ZNF318: variants seen among roughly 807,000 people sequenced by gnomAD.
The protein encoded by ZNF318 is endocrine regulator.
ZNF318 carries 51 observed loss-of-function variants against 124.2 expected under a neutral mutation model. The observed-to-expected ratio is 0.41, with a 90% CI of 0.33 to 0.52. The LOEUF is 0.52. ZNF318 is among the 20% of genes least tolerant of loss of function. The pLI is 0.23. For synonymous variants in ZNF318, 1,090 were observed against 1,040.7 expected, an observed-to-expected ratio of 1.05 and a Z score of -0.91; for missense variants, 2,815 against 2,811.2, an observed-to-expected ratio of 1.00 and a Z score of -0.03.
At position 43,338,281 on chromosome 6, in the gene ZNF318, C is replaced by A. The variant is rs1311917339; in HGVS notation, c.5717G>T (p.Gly1906Val). 5.0e-6 allele frequency: 8 copies of A among 1,614,060 alleles called. No individual in the cohort carries two copies. The East Asian group carries it at 1.6e-4, about 31-fold the overall frequency. ...SPARSAMCLT[G>V]SPQEQGVSVV... ...TGAAACTCCTTGCTCTTGTGGACTA[C>A]CTGTTAAACACATAGCTGATCTGGC... Residue 1906 changes from glycine (G) to valine (V), a missense_variant, in exon 10 of 10, where the codon GGT becomes GTT. This residue lies in a region of ZNF318 where 927 missense variants were observed against 820.6 expected (regional missense o/e 1.13). Coordinates refer to ENST00000361428, the MANE Select transcript of ZNF318 (RefSeq NM_014345.3).
intron 2 of ZNF318, among the ~76,000 whole-genome samples, chr6:43,361,402 A>G (rs563712454): frequency 2.2e-4 from 34 of 152,278 alleles, no homozygotes; most frequent in African/African-American, 7.5e-4. Context: ...CAATTTCTAA[A>G]AATTTATTTT....
intron 1 of ZNF318, 82 bp from the exon 2 acceptor site, chr6:43,365,522 GT>G: frequency 6.9e-7 from 1 of 1,457,368 alleles, no homozygotes; most frequent in East Asian, 2.4e-5. Context: ...TAGTTACAAA[GT>G]TAGCCAGGCA....
rs1426557397 is a variant in ZNF318, at chr6:43,356,246, TGA to T, written c.1189-103_1189-102del. 5.5e-6 allele frequency: 7 copies of T among 1,276,060 alleles called. No individual in the cohort carries two copies. The East Asian group carries it at 1.7e-4, about 30-fold the overall frequency. The allele number at this position is 1,276,060 out of a possible 1,614,324, so 79.0% of individuals were successfully genotyped here. A position where few individuals can be genotyped will look rare whatever the true frequency, so the allele number is the denominator to read the frequency against. On this transcript the variant is annotated intron_variant, in intron 3 of 9. Coordinates refer to ENST00000361428, the MANE Select transcript of ZNF318 (RefSeq NM_014345.3). ...ACTTTGGTCTTCCTGAATTAACAGG[TGA>T]GATACAAGTATGGATAAAAGGGAGG...
At position 43,352,394 on chromosome 6, in the gene ZNF318, C is replaced by T. The variant is rs779662674; in HGVS notation, c.2753G>A (p.Arg918Gln). The T allele has an allele frequency of 2.4e-5, 38 of 1,613,822 alleles. 1 individual carries two copies. The highest frequency in any genetic ancestry group is 8.8e-5 in the South Asian group (8 of 91,056). ...GCTGATACCTTGTTGTTTATGAAGC[C>T]GCTCTAACTCGGTCCTAAGATAGTA... ...KMYYLRTELE[R>Q]LHKQQGEMLR... Residue 918 changes from arginine (R) to glutamine (Q), a missense_variant, in exon 5 of 10, where the codon CGG becomes CAG. Transcript: ENST00000361428.
In ZNF318 at chr6:43,354,779, A is replaced by G. The variant is rs1266737302; in HGVS notation, c.2555T>C (p.Leu852Pro). ...TTGGGCCGCAGGAATTGAGCCTCGC[A>G]GAGACTCTTTCTGCTTAGGCTTATC... is the stretch of plus-strand genomic sequence containing the variant. ...TPDKPKQKES[L>P]RGSIPAAQVP... The change falls in exon 4 of 10, where the codon CTG (leucine) becomes CCG (proline). Residue 852 changes from leucine to proline, a missense_variant. Coordinates refer to ENST00000361428, the MANE Select transcript of ZNF318 (RefSeq NM_014345.3). 6.2e-7 allele frequency: 1 copy of G among 1,614,210 alleles called. No homozygotes were observed. Among genetic ancestry groups the G allele is most frequent in the South Asian group, 1.1e-5 (1 of 91,086 alleles).
In ZNF318 at chr6:43,369,551, G is replaced by T; in HGVS notation, c.-186C>A. 4.3e-6 allele frequency: 1 copy of T among 233,304 alleles called. No homozygotes were observed. Among genetic ancestry groups the T allele is most frequent in the Non-Finnish European group, 7.0e-6 (1 of 142,748 alleles). The allele number at this position is 233,304 out of a possible 1,614,324, so 14.5% of individuals were successfully genotyped here. A position where few individuals can be genotyped will look rare whatever the true frequency, so the allele number is the denominator to read the frequency against. ...GGGCCCGGCCGAGCGCGCCCCCGCG[G>T]CTGGCGGTTGGAGGGCGCGAGCACG... On this transcript the variant is annotated 5_prime_UTR_variant, in exon 1 of 10. Transcript: ENST00000361428.
intron 9 of ZNF318, 129 bp downstream of exon 9, chr6:43,340,661 G>A (rs1017704145): frequency 6.7e-7 from 1 of 1,502,606 alleles, no homozygotes; most frequent in Non-Finnish European, 9.0e-7. Flanking sequence ...CACTAGGATT[G>A]AGGAGAACTT....
At chr6:43,348,286 A>T (rs1281924817) in intron 6 of ZNF318, 38 bp downstream of exon 6, 1 of 1,570,276 alleles carries the variant, frequency 6.4e-7, no homozygotes, top group Non-Finnish European at 8.6e-7. Flanking sequence ...GTCTAAGGGA[A>T]AAAAAAGATG....
chr6:43,346,067 G>A (rs1245779823), intron 6 of ZNF318, among the ~76,000 whole-genome samples: 3 of 151,428 alleles, frequency 2.0e-5, no homozygotes, highest in African/African-American at 4.9e-5. Context: ...TGGGTGTGGT[G>A]GCACACGCCT....
chr6:43,364,143 T>C (rs946193529), intron 2 of ZNF318: 8 of 1,018,654 alleles, frequency 7.9e-6, no homozygotes, highest in Non-Finnish European at 1.0e-5. Context: ...TTTGATGCCA[T>C]CTCTAAGACC....
At chr6:43,344,129 A>G (rs554378617) in intron 6 of ZNF318, among the ~76,000 whole-genome samples, 29 of 152,176 alleles carry the variant, frequency 1.9e-4, no homozygotes, top group African/African-American at 6.7e-4. Context: ...GGTAGGATAC[A>G]GAAAGGGAAA....
chr6:43,356,345 AG>A (rs1238891770), intron 3 of ZNF318, among the ~76,000 whole-genome samples, 200 bp from the exon 4 acceptor site: 1 of 152,222 alleles, frequency 6.6e-6, no homozygotes, highest in Admixed American at 6.5e-5. Flanking sequence ...GAGGAGAAAC[AG>A]GAAGTGAGGC....
chr6:43,368,900 T>C, intron 1 of ZNF318, 67 bp downstream of exon 1: 6 of 1,282,590 alleles, frequency 4.7e-6, no homozygotes, highest in Non-Finnish European at 5.9e-6. Context: ...CGGGCGTTTC[T>C]GGAAACGGGA....
chr6:43,365,770 AGG>A (rs1779752740), intron 1 of ZNF318, among the ~76,000 whole-genome samples: 1 of 152,230 alleles, frequency 6.6e-6, no homozygotes, highest in African/African-American at 2.4e-5. Context: ...GGCAATGAGC[AGG>A]ACCTTGTCTC....
Position 43,339,281 on chromosome 6 carries a change from A to G in ZNF318, c.4717T>C (p.Tyr1573His), listed in dbSNP as rs1166315728. 6.2e-7 allele frequency: 1 copy of G among 1,614,058 alleles called. No homozygotes were observed. Among genetic ancestry groups the G allele is most frequent in the African/African-American group, 1.3e-5 (1 of 74,904 alleles). The change falls in exon 10 of 10, where the codon TAT becomes CAT. Residue 1573 changes from tyrosine to histidine, a missense_variant. By Grantham distance (83) the Tyr-to-His change is moderately conservative. This residue lies in a region of ZNF318 where 11 missense variants were observed against 31.9 expected (regional missense o/e 0.35). Coordinates refer to ENST00000361428, the MANE Select transcript of ZNF318 (RefSeq NM_014345.3). The surrounding 1 kb of genome is among the most constrained non-coding windows in gnomAD (Gnocchi z 4.2). ...ANAKDLYDIF[Y>H]SSGGKGAPET... ...GGGGCCCCCTTTCCACCACTACTAT[A>G]GAATATGTCATACAGGTCCTTAGCA...
rs1461454863 is a variant in ZNF318, at chr6:43,358,248, ATTTT to A, written c.549-487_549-484del. On this transcript the variant is annotated intron_variant, in intron 2 of 9. Transcript: ENST00000361428. ...AGAAACACCAGTCCAGATCAATGGG[ATTTT>A]TTTGTTTTGTTTTGAGATGGAGTCT... Among the ~76,000 whole-genome samples, 12 of 151,894 alleles carry A rather than the reference ATTTT, an allele frequency of 7.9e-5. No homozygotes were observed. In the South Asian group the frequency reaches 1.5e-3, roughly 18 times the overall value.
rs1040101711 is a variant in ZNF318 at position 43,365,429 on chromosome 6, A to G, written c.411T>C (p.Pro137=). The part of the protein sequence containing the change: ...PGDSGSRRRS[P]GLCSDSLEKS... The stretch of plus-strand genomic sequence containing the variant: ...TTTCCAAAGAGTCAGAACACAGACC[A>G]GGAGAGCGTCTCTACAAAAGTAAAG... The change falls in exon 2 of 10, where the codon CCT becomes CCC. Residue 137 remains proline (P), a synonymous_variant. Transcript: ENST00000361428. 1.9e-6 allele frequency: 3 copies of G among 1,613,804 alleles called. No individual in the cohort carries two copies. The highest frequency in any genetic ancestry group is 2.5e-6 in the Non-Finnish European group (3 of 1,179,904).
In ZNF318 at chr6:43,338,255, C is replaced by T; in HGVS notation, c.5743G>A (p.Val1915Ile). Residue 1915 changes from valine (V) to isoleucine (I), a missense_variant, in exon 10 of 10, where the codon GTT becomes ATT. Physicochemically the swap from Val to Ile is conservative, Grantham distance 29. Around this residue, in one of 4 missense-constraint regions of ZNF318, gnomAD observed 927 missense variants for 820.6 expected, o/e 1.13. Transcript: ENST00000361428. ...TTCTCTAGCCCCTCCTCACTAACAACTGAAACTCCTTGCTCTTGTGGACTA... is the reference window on the plus strand; with the variant it reads ...TTCTCTAGCCCCTCCTCACTAACAATTGAAACTCCTTGCTCTTGTGGACTA... Reference protein sequence around the residue: ...TGSPQEQGVSVVSEEGLENSA... With the variant: ...TGSPQEQGVSIVSEEGLENSA... 6.2e-7 allele frequency: 1 copy of T among 1,614,154 alleles called. No individual in the cohort carries two copies.
chr6:43,355,427 ACTGAGGAACGGCGGTCAG>A lies in ZNF318; in HGVS notation c.1889_1906del (p.Ala630_Ser635del), dbSNP rs1272612226. The A allele has an allele frequency of 1.5e-5, 24 of 1,614,062 alleles. No individual in the cohort carries two copies. The highest frequency in any genetic ancestry group is 1.9e-5 in the Non-Finnish European group (23 of 1,180,040). ...GTGGTCAGCTGAAAAGTATCGGTCA[ACTGAGGAACGGCGGTCAG>A]CTGAGGAGCGTAATGATGGCTTCTT... On this transcript the variant is annotated inframe_deletion, in exon 4 of 10. Transcript: ENST00000361428.
Sources: gnomAD v4.1 joint callset for allele counts (sites outside exome capture counted in the v4.1 genomes callset) on GRCh38, gnomAD v4.1.1 for gene constraint, gnomAD v4.1.1 regional missense constraint, Gnocchi (gnomAD v3.1) non-coding constraint, MANE v1.5 for transcripts, NCBI Gene and HGNC (gene_info 2026-07-23, HGNC 2026-07-21) for gene names.